Variants in PSMD10 observed in about 807,000 individuals in gnomAD.
The protein encoded by PSMD10 is proteasome 26S subunit, non-ATPase 10, also known as 26S proteasome non-ATPase regulatory subunit 10.
In PSMD10, 2 loss-of-function variants were observed where a neutral mutation model predicts 13.2. The ratio of observed to expected loss-of-function variants is 0.15; its 90% CI spans 0.06 to 0.48. The LOEUF (loss-of-function observed/expected upper bound fraction) is 0.48, where lower values mean the gene tolerates loss of function less well. PSMD10 is among the 20% of genes least tolerant of loss of function. The probability of loss-of-function intolerance (pLI) is 0.97; values close to 1 mark genes in which losing one functional copy is unlikely to be tolerated. For missense variants in PSMD10, 120 were observed against 167.4 expected, an observed-to-expected ratio of 0.72 and a Z score of 1.56; for synonymous variants, 66 against 64.4, an observed-to-expected ratio of 1.03 and a Z score of -0.12.
intron 4 of PSMD10, among the ~76,000 whole-genome samples, chrX:108,086,782 G>T (rs1450409550): frequency 4.5e-5 from 5 of 111,983 alleles, no homozygotes; most frequent in Non-Finnish European, 9.4e-5. Context: ...TGTTGGGAGG[G>T]TAAAATGATA....
At chrX:108,086,854 C>G (rs762779865) in intron 4 of PSMD10, among the ~76,000 whole-genome samples, 1 of 111,623 alleles carries the variant, frequency 9.0e-6, no homozygotes, top group South Asian at 3.7e-4. Flanking sequence ...TATTTGTTGA[C>G]GCAGCAATTC....
At position 108,091,257 on chromosome X, in the gene PSMD10, G is replaced by C. The variant is rs757472899; in HGVS notation, c.114+150C>G. 4.2e-5 allele frequency: 21 copies of C among 504,022 alleles called. No homozygotes were observed. The Admixed American group carries it at 5.8e-4, about 14-fold the overall frequency. 41.5% of individuals were successfully genotyped at this position (504,022 alleles called of 1,213,427 possible). On this transcript the variant is annotated intron_variant, in intron 1 of 4. Coordinates refer to ENST00000217958, the MANE Select transcript of PSMD10 (RefSeq NM_002814.4). ...GCTAGCTCCCGCAGGCCTATCGCGA[G>C]TCCCGAGGTGACCCAGGGGGACTGC...
intron 2 of PSMD10, chrX:108,088,405 G>A: frequency 3.2e-6 from 1 of 309,281 alleles, no homozygotes; most frequent in East Asian, 5.4e-5. Context: ...GCCCTGATCT[G>A]TATGTTTATT....
chrX:108,088,188 C>T, intron 2 of PSMD10, 89 bp from the exon 3 acceptor site: 2 of 945,118 alleles, frequency 2.1e-6, no homozygotes. Context: ...AGGAGCTTTA[C>T]AAAGGCAAAA....
At chrX:108,088,676 C>T in intron 2 of PSMD10, 76 bp downstream of exon 2, 1 of 826,644 alleles carries the variant, frequency 1.2e-6, no homozygotes, top group Non-Finnish European at 1.7e-6. Context: ...GCTTAATGCA[C>T]AGGCTTCAGT....
At position 108,091,510 on chromosome X, in the gene PSMD10, C is replaced by T; in HGVS notation, c.11G>A (p.Cys4Tyr). Residue 4 changes from cysteine to tyrosine, a missense_variant, in exon 1 of 5, where the codon TGT becomes TAT. By Grantham distance (194) the Cys-to-Tyr change is radical. Transcript: ENST00000217958. The stretch of plus-strand genomic sequence containing the variant: ...GTTGCAGACCATTAGGTTAGACACA[C>T]ACCCCTCCATTTCGCTGTCCCAGCA... MEG[C>Y]VSNLMVCNLA... 1 of 1,211,110 alleles carries T rather than the reference C, an allele frequency of 8.3e-7. No individual in the cohort carries two copies. Among genetic ancestry groups the T allele is most frequent in the Non-Finnish European group, 1.1e-6 (1 of 894,348 alleles).
chrX:108,091,019 C>A (rs781706842), intron 1 of PSMD10, among the ~76,000 whole-genome samples: 16 of 113,089 alleles, frequency 1.4e-4, no homozygotes, highest in Non-Finnish European at 3.0e-4. Context: ...CCACCGTATC[C>A]CCAGCTCCTA....
At chrX:108,086,622 T>TA (rs2031500034) in intron 4 of PSMD10, among the ~76,000 whole-genome samples, 1 of 111,525 alleles carries the variant, frequency 9.0e-6, no homozygotes, top group Admixed American at 9.5e-5. Flanking sequence ...AAAGTTACAA[T>TA]TAGATAAGAA....
intron 1 of PSMD10, among the ~76,000 whole-genome samples, chrX:108,091,169 G>C (rs1240827374): frequency 8.8e-6 from 1 of 113,441 alleles, no homozygotes; most frequent in Non-Finnish European, 1.9e-5. Flanking sequence ...AGACGTTCTA[G>C]AACTATCCAA....
chrX:108,086,271 T>C (rs2147941254), intron 4 of PSMD10, among the ~76,000 whole-genome samples: 1 of 111,668 alleles, frequency 9.0e-6, no homozygotes, highest in East Asian at 2.8e-4. Context: ...CAATTACAGA[T>C]GGATTTTAAG....
chrX:108,085,195 CTAGG>C (rs1307884177), intron 4 of PSMD10, 68 bp from the exon 5 acceptor site: 4 of 1,003,837 alleles, frequency 4.0e-6, no homozygotes, highest in Non-Finnish European at 5.3e-6. Context: ...GGATTTCTTG[CTAGG>C]TAGTCTGAAG....
rs1347997691 is a variant in PSMD10 at position 108,084,681 on chromosome X, G to A, written c.*293C>T. ...GAGAGGGATATAAGGTACATGGGAG[G>A]GTGCTGAAGACTCACAACAGCCACA... On this transcript the variant is annotated 3_prime_UTR_variant, in exon 5 of 5. Coordinates refer to ENST00000217958, the MANE Select transcript of PSMD10 (RefSeq NM_002814.4). The A allele has an allele frequency of 5.3e-6, 1 of 190,366 alleles. No homozygotes were observed. The highest frequency in any genetic ancestry group is 3.0e-5 in the African/African-American group (1 of 33,643). The allele number at this position is 190,366 out of a possible 1,213,427, so 15.7% of individuals were successfully genotyped here.
chrX:108,088,114 G>C lies in PSMD10; in HGVS notation c.214-15C>G. 1.7e-6 allele frequency: 2 copies of C among 1,185,756 alleles called. No homozygotes were observed. The highest frequency in any genetic ancestry group is 2.3e-6 in the Non-Finnish European group (2 of 879,069). ...GACCAACCTGCCTATAAAAGAAGTAGGTAGTAGAAATACCAGGGGAAAAAG... is the reference window on the plus strand; with the variant it reads ...GACCAACCTGCCTATAAAAGAAGTACGTAGTAGAAATACCAGGGGAAAAAG... On this transcript the variant is annotated splice_polypyrimidine_tract_variant and intron_variant, in intron 2 of 4. Transcript: ENST00000217958.
intron 2 of PSMD10, 150 bp from the exon 3 acceptor site, chrX:108,088,249 C>A: frequency 1.9e-6 from 1 of 526,430 alleles, no homozygotes; most frequent in Non-Finnish European, 3.0e-6. Flanking sequence ...CAAATCTAAT[C>A]CTAATATAAC....
chrX:108,084,676 G>C lies in PSMD10; in HGVS notation c.*298C>G, dbSNP rs1235414143. The stretch of plus-strand genomic sequence containing the variant: ...TTTCAGAGAGGGATATAAGGTACAT[G>C]GGAGGGTGCTGAAGACTCACAACAG... On this transcript the variant is annotated 3_prime_UTR_variant, in exon 5 of 5. Coordinates refer to ENST00000217958, the MANE Select transcript of PSMD10 (RefSeq NM_002814.4). 1.1e-5 allele frequency: 2 copies of C among 186,588 alleles called. No homozygotes were observed. The highest frequency in any genetic ancestry group is 2.0e-5 in the Non-Finnish European group (2 of 101,647). The allele number at this position is 186,588 out of a possible 1,213,427, so 15.4% of individuals were successfully genotyped here. A position where few individuals can be genotyped will look rare whatever the true frequency, so the allele number is the denominator to read the frequency against.
At chrX:108,091,322 G>T (rs1202139780) in intron 1 of PSMD10, 85 bp downstream of exon 1, 13 of 897,238 alleles carry the variant, frequency 1.4e-5, no homozygotes, top group South Asian at 4.1e-5. Context: ...TCTCAGAAAC[G>T]GGGCCTCCGC....
chrX:108,084,333 CCTTTT>C lies in PSMD10; in HGVS notation c.*636_*640del, dbSNP rs769993820. ...ACACAAAATAGGTACTTTAAAACTT[CCTTTT>C]AAGAAAACCATACATTTTATTTCAG... On this transcript the variant is annotated 3_prime_UTR_variant, in exon 5 of 5. Transcript: ENST00000217958. 2 of 112,675 alleles carry C rather than the reference CCTTTT, an allele frequency of 1.8e-5. No homozygotes were observed. The highest frequency in any genetic ancestry group is 3.6e-4 in the South Asian group (1 of 2,764). The allele number at this position is 112,675 out of a possible 1,213,427, so 9.3% of individuals were successfully genotyped here.
intron 1 of PSMD10, among the ~76,000 whole-genome samples, chrX:108,089,271 A>G (rs1334034595): frequency 9.0e-6 from 1 of 111,166 alleles, no homozygotes; most frequent in Non-Finnish European, 1.9e-5. Flanking sequence ...GGAAACTAAA[A>G]CTCCTCAGGG....
intron 4 of PSMD10, chrX:108,086,978 T>C (rs1444387424): frequency 8.9e-6 from 1 of 111,978 alleles, no homozygotes; most frequent in East Asian, 2.8e-4. Flanking sequence ...CAGGCTGGAG[T>C]GCAGTGGTGT....
Sources: allele counts gnomAD v4.1 joint callset (sites outside exome capture counted in the v4.1 genomes callset), GRCh38; gene constraint gnomAD v4.1.1; transcripts MANE v1.5; gene names NCBI Gene and HGNC (gene_info 2026-07-23, HGNC 2026-07-21).